SFTPB: variants seen among roughly 807,000 people sequenced by gnomAD.
The protein encoded by SFTPB is pulmonary surfactant-associated protein B.
In SFTPB, 32 loss-of-function variants were observed where a neutral mutation model predicts 51.0. That is an observed-to-expected ratio of 0.63 (90% CI 0.47 to 0.84). SFTPB has a LOEUF of 0.84. Among genes scored for constraint, SFTPB ranks in the 40% least tolerant of loss-of-function variants. SFTPB has a pLI of 0.00. For synonymous variants in SFTPB, 211 were observed against 208.5 expected (o/e 1.01, Z -0.10); for missense variants, 431 against 491.2 (o/e 0.88, Z 1.16).
At position 85,661,445 on chromosome 2, in the gene SFTPB, T is replaced by C. The variant is rs377400299; in HGVS notation, c.*19+9A>G. ...CCTTACCTCCCCGCAACTGGGGGCC[T>C]GGACTCACCTGGACAGCTGAGTTCT... On this transcript the variant is annotated intron_variant, in intron 10 of 10. Transcript: ENST00000519937. 6 of 1,595,256 alleles carry C rather than the reference T, an allele frequency of 3.8e-6. No individual in the cohort carries two copies. In the African/African-American group the frequency reaches 8.0e-5, roughly 21 times the overall value.
intron 4 of SFTPB, 194 bp downstream of exon 4, chr2:85,666,399 GTGTGTGTCCGGCCAGCTGGGGTGT>G (rs1677617410): frequency 2.2e-5 from 12 of 535,628 alleles, no homozygotes; most frequent in Middle Eastern, 5.0e-4. Context: ...TACTGTGTGT[GTGTGTGTCCGGCCAGCTGGGGTGT>G]TGTGTGTGTG....
At position 85,665,752 on chromosome 2, in the gene SFTPB, G is replaced by A. The variant is rs531280852; in HGVS notation, c.436C>T (p.Arg146Trp). The change falls in exon 5 of 11, where the codon CGG (arginine) becomes TGG (tryptophan). Residue 146 changes from arginine (R) to tryptophan (W), a missense_variant. Arg to Trp is a moderately radical substitution (Grantham distance 101). Coordinates refer to ENST00000519937, the MANE Select transcript of SFTPB (RefSeq NM_000542.5). ...GGCTCCTGCTCTGGCTCTGGCTGCC[G>A]GGATTTGCACAGGCCCAGGTGCATA... ...ICMHLGLCKS[R>W]QPEPEQEPGM... The A allele has an allele frequency of 7.4e-6, 12 of 1,614,202 alleles. No homozygotes were observed. Among genetic ancestry groups the A allele is most frequent in the South Asian group, 2.2e-5 (2 of 91,090 alleles).
Position 85,666,728 on chromosome 2 carries a change from C to T in SFTPB, c.282G>A (p.Lys94=), listed in dbSNP as rs751745613. The stretch of plus-strand genomic sequence containing the variant: ...GGACGTTGCACTCCTGCTCCAGGAA[C>T]TTCCTCATCGTGTCCTGGGAGGCCA... ...KEAIFQDTMR[K]FLEQECNVLP... Residue 94 remains lysine, a synonymous_variant, in exon 4 of 11, where the codon AAG becomes AAA. Coordinates refer to ENST00000519937, the MANE Select transcript of SFTPB (RefSeq NM_000542.5). The T allele has an allele frequency of 1.2e-6, 2 of 1,613,710 alleles. No individual in the cohort carries two copies. The highest frequency in any genetic ancestry group is 4.5e-5 in the East Asian group (2 of 44,882).
chr2:85,665,478 T>C, intron 5 of SFTPB, 100 bp from the exon 6 acceptor site: 1 of 1,440,236 alleles, frequency 6.9e-7, no homozygotes. Context: ...CCTCCTCCCT[T>C]AGGCCCTGCC....
chr2:85,662,324 C>T (rs964956253), intron 8 of SFTPB: 83 of 1,407,630 alleles, frequency 5.9e-5, no homozygotes, highest in Middle Eastern at 5.1e-4. Flanking sequence ...ACACTGGAGA[C>T]GGAGGACTCA....
At chr2:85,666,487 T>G (rs1318777419) in intron 4 of SFTPB, 130 bp downstream of exon 4, 58 of 830,830 alleles carry the variant, frequency 7.0e-5, no homozygotes, top group East Asian at 1.6e-4. Context: ...CTGGCCGGCT[T>G]GGGTGCTGTG....
chr2:85,663,195 A>T (rs1677396940), intron 8 of SFTPB, 151 bp downstream of exon 8: 1 of 1,103,118 alleles, frequency 9.1e-7, no homozygotes, highest in African/African-American at 1.5e-5. Flanking sequence ...CCTAACTTAC[A>T]GTCCCACCAT....
chr2:85,664,016 G>T (rs1677453017), intron 6 of SFTPB, among the ~76,000 whole-genome samples, 169 bp from the exon 7 acceptor site: 1 of 152,202 alleles, frequency 6.6e-6, no homozygotes, highest in African/African-American at 2.4e-5. Flanking sequence ...TCCAGGGGAT[G>T]CAGGGGACTC....
intron 10 of SFTPB, among the ~76,000 whole-genome samples, chr2:85,660,718 G>A (rs942409842): frequency 3.3e-5 from 5 of 152,194 alleles, no homozygotes; most frequent in African/African-American, 9.7e-5. Flanking sequence ...GCCTCCCAAA[G>A]TGCTGGGATT....
chr2:85,666,943 C>T (rs1483939561), intron 3 of SFTPB, among the ~76,000 whole-genome samples, 163 bp downstream of exon 3: 1 of 152,138 alleles, frequency 6.6e-6, no homozygotes, highest in African/African-American at 2.4e-5. Flanking sequence ...TGCTATTGAG[C>T]TCAGGGCCAT....
In SFTPB at chr2:85,665,634, A is replaced by C. The variant is rs1237673878; in HGVS notation, c.554T>G (p.Leu185Arg). The change falls in exon 5 of 11, where the codon CTC becomes CGC. Residue 185 changes from leucine (L) to arginine (R), a missense_variant. By Grantham distance (102) the Leu-to-Arg change is moderately radical (BLOSUM62 -2). Coordinates refer to ENST00000519937, the MANE Select transcript of SFTPB (RefSeq NM_000542.5). ...TGTGTGAGGCCCAGGCCTCGCCTGG[A>C]GGGCCCCGGGCAGCACAGGGAGGAC... ...KLVLPVLPGA[L>R]QARPGPHTQD... is the part of the protein sequence containing the mutation. The C allele has an allele frequency of 6.2e-7, 1 of 1,613,904 alleles. No homozygotes were observed. Among genetic ancestry groups the C allele is most frequent in the African/African-American group, 1.3e-5 (1 of 75,006 alleles).
In SFTPB at chr2:85,657,460, C is replaced by T. The variant is rs1164710687; in HGVS notation, c.*2242G>A. 6.6e-6 allele frequency: 1 copy of T among 152,132 alleles called. No homozygotes were observed. The highest frequency in any genetic ancestry group is 2.4e-5 in the African/African-American group (1 of 41,444). 9.4% of individuals were successfully genotyped at this position (152,132 alleles called of 1,614,324 possible). The stretch of plus-strand genomic sequence containing the variant: ...AAATGTCTACTTAAAATCCAGGAGC[C>T]AATGAATTGTGTGTCTCATCCCCAG... On this transcript the variant is annotated 3_prime_UTR_variant, in exon 11 of 11. Coordinates refer to ENST00000519937, the MANE Select transcript of SFTPB (RefSeq NM_000542.5).
Position 85,668,103 on chromosome 2 carries a change from TG to T in SFTPB, c.67+13del, listed in dbSNP as rs968682909. On this transcript the variant is annotated intron_variant, in intron 1 of 10. Transcript: ENST00000519937. Reference sequence around the variant, plus strand: ...TGGAGCTGCCTAGGAGAGGGGAGGCTGGGGGAGACTCACCAGTGCCTGGGCC... The same window carrying T: ...TGGAGCTGCCTAGGAGAGGGGAGGCTGGGGAGACTCACCAGTGCCTGGGCC... 3.9e-6 allele frequency: 6 copies of T among 1,545,762 alleles called. No individual in the cohort carries two copies. The highest frequency in any genetic ancestry group is 5.3e-6 in the Non-Finnish European group (6 of 1,141,816).
chr2:85,668,110 G>A lies in SFTPB; in HGVS notation c.67+7C>T, dbSNP rs1227965424. ...GCCTAGGAGAGGGGAGGCTGGGGGA[G>A]ACTCACCAGTGCCTGGGCCACAGAG... On this transcript the variant is annotated splice_region_variant and intron_variant, in intron 1 of 10. Coordinates refer to ENST00000519937, the MANE Select transcript of SFTPB (RefSeq NM_000542.5). The A allele has an allele frequency of 6.5e-7, 1 of 1,549,196 alleles. No individual in the cohort carries two copies. Among genetic ancestry groups the A allele is most frequent in the Non-Finnish European group, 8.7e-7 (1 of 1,144,780 alleles).
At chr2:85,666,558 T>G in intron 4 of SFTPB, 59 bp downstream of exon 4, 1 of 1,583,658 alleles carries the variant, frequency 6.3e-7, no homozygotes, top group South Asian at 1.1e-5. Flanking sequence ...TGGCTCCCCA[T>G]GGGTGGGCAC....
Position 85,665,388 on chromosome 2 carries a change from G to A in SFTPB, c.583-10C>T. 6.2e-7 allele frequency: 1 copy of A among 1,610,684 alleles called. No individual in the cohort carries two copies. Among genetic ancestry groups the A allele is most frequent in the Non-Finnish European group, 8.5e-7 (1 of 1,176,890 alleles). Reference sequence around the variant, plus strand: ...GCTGCTCGGAGAGATCCTGGGGAAAGAATCAGGTGGAGGCCAGGCTGGGTG... The same window carrying A: ...GCTGCTCGGAGAGATCCTGGGGAAAAAATCAGGTGGAGGCCAGGCTGGGTG... On this transcript the variant is annotated splice_polypyrimidine_tract_variant and intron_variant, in intron 5 of 10. Transcript: ENST00000519937.
Position 85,663,842 on chromosome 2 carries a change from C to A in SFTPB, c.678G>T (p.Ala226=). The A allele has an allele frequency of 6.3e-7, 1 of 1,584,252 alleles. No individual in the cohort carries two copies. Among genetic ancestry groups the A allele is most frequent in the Non-Finnish European group, 8.6e-7 (1 of 1,169,288 alleles). The change falls in exon 7 of 11, where the codon GCG becomes GCT. Residue 226 remains alanine, a synonymous_variant. Transcript: ENST00000519937. ...KRIQAMIPKG[A]LAVAVAQVCR... ...ACACCTGGGCCACTGCCACAGCTAG[C>A]GCACCCTGGGGCGGGGGCGGAGAGA...
At chr2:85,666,089 C>G (rs888605978) in intron 4 of SFTPB, among the ~76,000 whole-genome samples, 2 of 152,060 alleles carry the variant, frequency 1.3e-5, no homozygotes, top group African/African-American at 4.8e-5. Context: ...TACAGGCCCA[C>G]CGTGTGCACC....
At chr2:85,663,528 C>T (rs761287156) in intron 7 of SFTPB, 37 bp from the exon 8 acceptor site, 2 of 1,611,468 alleles carry the variant, frequency 1.2e-6, no homozygotes, top group Admixed American at 3.4e-5. Context: ...GCAGGCAAGG[C>T]CACCCTACAG....
Sources: gnomAD v4.1 joint callset for allele counts (sites outside exome capture counted in the v4.1 genomes callset) on GRCh38, gnomAD v4.1.1 for gene constraint, MANE v1.5 for transcripts, NCBI Gene and HGNC (gene_info 2026-07-23, HGNC 2026-07-21) for gene names.